The following DGKB variants were observed in gnomAD, a reference collection of about 807,000 sequenced individuals.
The protein encoded by DGKB is diacylglycerol kinase beta.
In DGKB, 67 loss-of-function variants were observed where a neutral mutation model predicts 114.3. The observed-to-expected ratio is 0.59, with a 90% CI of 0.48 to 0.72. The LOEUF is 0.72. DGKB is among the 30% of genes least tolerant of loss of function. The pLI, the probability that DGKB is intolerant of heterozygous loss-of-function variation, is 0.00. For missense variants in DGKB, 907 were observed against 975.2 expected (o/e 0.93, Z 0.93); for synonymous variants, 398 against 323.1 (o/e 1.23, Z -2.49).
rs1359659757 is a variant in DGKB at position 14,147,113 on chromosome 7, C to T, written c.*2018G>A. 1 of 152,086 alleles carries T rather than the reference C, an allele frequency of 6.6e-6. No homozygotes were observed. The highest frequency in any genetic ancestry group is 1.5e-5 in the Non-Finnish European group (1 of 67,986). 9.4% of individuals were successfully genotyped at this position (152,086 alleles called of 1,614,324 possible). ...TGTGAAAATATTTATTACCTGCAAC[C>T]ATAGATACAAAAAATCAATGTGTGT... On this transcript the variant is annotated 3_prime_UTR_variant, in exon 26 of 26. Coordinates refer to ENST00000402815, the MANE Select transcript of DGKB (RefSeq NM_001350709.2).
intron 20 of DGKB, among the ~76,000 whole-genome samples, chr7:14,496,157 AC>A (rs2128943616): frequency 6.6e-6 from 1 of 151,920 alleles, no homozygotes; most frequent in African/African-American, 2.4e-5. Flanking sequence ...CTTTTGCCTT[AC>A]CTTTAACAAA....
chr7:14,251,191 A>ATTTC (rs1197145429), intron 23 of DGKB, among the ~76,000 whole-genome samples: 2 of 152,064 alleles, frequency 1.3e-5, no homozygotes, highest in African/African-American at 2.4e-5. Context: ...ACTGCTTTGC[A>ATTTC]TTTCTTTCTT....
intron 2 of DGKB, among the ~76,000 whole-genome samples, chr7:14,840,260 C>T (rs751278732): frequency 1.3e-5 from 2 of 152,020 alleles, no homozygotes; most frequent in Non-Finnish European, 2.9e-5. Context: ...GCATTTTATT[C>T]TCCCTGTCAC....
chr7:14,704,747 C>G (rs1324609757), intron 6 of DGKB, among the ~76,000 whole-genome samples: 1 of 152,112 alleles, frequency 6.6e-6, no homozygotes, highest in Non-Finnish European at 1.5e-5. Flanking sequence ...AATAGACCTG[C>G]AGCTGAGGGT....
At chr7:14,622,962 A>G (rs1447958713) in intron 14 of DGKB, among the ~76,000 whole-genome samples, 2 of 152,134 alleles carry the variant, frequency 1.3e-5, no homozygotes, top group South Asian at 2.1e-4. Flanking sequence ...TAAAACATCA[A>G]TTATTACAAC....
intron 13 of DGKB, among the ~76,000 whole-genome samples, chr7:14,650,122 A>C (rs1814111249): frequency 1.3e-5 from 2 of 148,434 alleles, no homozygotes; most frequent in African/African-American, 5.0e-5. Flanking sequence ...CCAGGAATTG[A>C]ACTCAGCTCT....
At chr7:14,410,195 A>T (rs1438472701) in intron 21 of DGKB, among the ~76,000 whole-genome samples, 1 of 71,622 alleles carries the variant, frequency 1.4e-5, no homozygotes, top group Non-Finnish European at 3.7e-5. Context: ...TTTTAATTAC[A>T]CTAAATATAT....
intron 1 of DGKB, among the ~76,000 whole-genome samples, chr7:14,973,636 C>A (rs962323769): frequency 6.7e-6 from 1 of 148,502 alleles, no homozygotes; most frequent in Non-Finnish European, 1.5e-5. Flanking sequence ...GTCTCTAGCA[C>A]CAAATTATGC....
intron 23 of DGKB, among the ~76,000 whole-genome samples, chr7:14,265,315 A>ATTATTTTTTT (rs1178230744): frequency 2.5e-5 from 1 of 40,514 alleles, no homozygotes; most frequent in South Asian, 9.2e-4. Flanking sequence ...TTTCTCTTGC[A>ATTATTTTTTT]TTCTTTTTTT....
chr7:14,875,388 CT>C (rs991331071), intron 1 of DGKB, among the ~76,000 whole-genome samples: 3 of 152,064 alleles, frequency 2.0e-5, no homozygotes, highest in African/African-American at 7.2e-5. Context: ...TAATCATTCA[CT>C]TTTCAGGAGT....
At chr7:14,917,082 A>C (rs958307591) in intron 1 of DGKB, among the ~76,000 whole-genome samples, 5 of 152,126 alleles carry the variant, frequency 3.3e-5, no homozygotes, top group Non-Finnish European at 5.9e-5. Flanking sequence ...TTTTAAACTA[A>C]ATGACTAAGA....
chr7:14,795,228 T>C lies in DGKB; in HGVS notation c.71-37497A>G, dbSNP rs193301314. 4.9e-4 allele frequency among the ~76,000 whole-genome samples: 75 copies of C among 152,326 alleles called. 1 individual carries two copies. The highest frequency in any genetic ancestry group is 8.7e-4 in the Non-Finnish European group (59 of 68,016). ...TGGGATAATGGTGGAAGGAACTTAA[T>C]GTTGGATCAGGCTGAATTTGGCATG... On this transcript the variant is annotated intron_variant, in intron 2 of 25. Coordinates refer to ENST00000402815, the MANE Select transcript of DGKB (RefSeq NM_001350709.2).
chr7:14,436,788 G>T (rs1355962711), intron 21 of DGKB, among the ~76,000 whole-genome samples: 3 of 151,980 alleles, frequency 2.0e-5, no homozygotes, highest in African/African-American at 4.8e-5. Context: ...AATTTTAAGA[G>T]TTTGACCTTT....
chr7:14,461,632 A>C (rs1833095365), intron 21 of DGKB, among the ~76,000 whole-genome samples: 1 of 152,178 alleles, frequency 6.6e-6, no homozygotes, highest in African/African-American at 2.4e-5. Flanking sequence ...AACCAAAAAA[A>C]AGCCTAGGAC....
At chr7:14,531,702 A>T (rs1271705749) in intron 20 of DGKB, among the ~76,000 whole-genome samples, 4 of 151,332 alleles carry the variant, frequency 2.6e-5, no homozygotes, top group African/African-American at 9.7e-5. Context: ...TTCTATGTGG[A>T]GAGAAAGAAC....
At chr7:14,195,803 T>C (rs141530521) in intron 23 of DGKB, among the ~76,000 whole-genome samples, 158 of 152,282 alleles carry the variant, frequency 1.0e-3, no homozygotes, top group African/African-American at 3.5e-3. Flanking sequence ...CAGTAAACAT[T>C]TCCTTGTAAA....
intron 23 of DGKB, among the ~76,000 whole-genome samples, chr7:14,327,005 C>CA (rs1487975394): frequency 2.0e-5 from 3 of 152,132 alleles, no homozygotes; most frequent in African/African-American, 7.2e-5. Flanking sequence ...AAGTCTACCA[C>CA]AGGGGTTTCA....
chr7:14,267,156 T>G (rs1429926579), intron 23 of DGKB, among the ~76,000 whole-genome samples: 6 of 152,206 alleles, frequency 3.9e-5, no homozygotes, highest in Non-Finnish European at 8.8e-5. Flanking sequence ...ATGACTGCTT[T>G]GACCAAAAGA....
rs761739878 is a variant in DGKB at position 14,758,926 on chromosome 7, T to TA, written c.71-1196dup. On this transcript the variant is annotated intron_variant, in intron 2 of 25. Transcript: ENST00000402815. The stretch of plus-strand genomic sequence containing the variant: ...ATAGATAGATAGATAGATAGATAGA[T>TA]AGATAGATACATAGATAGATAGAGT... Among the ~76,000 whole-genome samples, 95 of 139,598 alleles carry TA rather than the reference T, an allele frequency of 6.8e-4. 1 individual carries two copies. Among genetic ancestry groups the TA allele is most frequent in the African/African-American group, 3.0e-3 (88 of 29,730 alleles). The allele number at this position is 139,598 out of a possible 152,430, so 91.6% of individuals were successfully genotyped here. A position where few individuals can be genotyped will look rare whatever the true frequency, so the allele number is the denominator to read the frequency against.
Sources: allele counts gnomAD v4.1 joint callset (sites outside exome capture counted in the v4.1 genomes callset), GRCh38; gene constraint gnomAD v4.1.1; transcripts MANE v1.5; gene names NCBI Gene and HGNC (gene_info 2026-07-23, HGNC 2026-07-21).